Variants in NR2C2 observed in about 807,000 individuals in gnomAD.
NR2C2 encodes the protein Nuclear hormone receptor TR4.
Under a neutral mutation model 62.9 loss-of-function variants are expected in NR2C2, and 6 were observed. The observed-to-expected ratio is 0.10, with a 90% CI of 0.05 to 0.19. The LOEUF is 0.19. NR2C2 is among the 10% of genes least tolerant of loss of function. The pLI is 1.00. For synonymous variants in NR2C2, 272 were observed against 273.8 expected (o/e 0.99, Z 0.07); for missense variants, 479 against 762.7 (o/e 0.63, Z 4.38).
chr3:15,015,049 C>T (rs1263834256), intron 3 of NR2C2, among the ~76,000 whole-genome samples: 2 of 152,210 alleles, frequency 1.3e-5, no homozygotes, highest in South Asian at 2.1e-4. Flanking sequence ...AGACACCTTA[C>T]GCTACACTTA....
chr3:15,036,088 G>T (rs2125077395), intron 11 of NR2C2, among the ~76,000 whole-genome samples: 1 of 152,034 alleles, frequency 6.6e-6, no homozygotes, highest in East Asian at 1.9e-4. Context: ...TACTCGGGAG[G>T]CTGAGGCATG....
chr3:15,030,945 A>G (rs1228682308), intron 9 of NR2C2, among the ~76,000 whole-genome samples: 3 of 152,232 alleles, frequency 2.0e-5, no homozygotes, highest in Non-Finnish European at 4.4e-5. Flanking sequence ...ATTATGAAGC[A>G]TCTTCACTTG....
Position 15,003,922 on chromosome 3 carries a change from G to A in NR2C2, c.8G>A (p.Ser3Asn). The A allele has an allele frequency of 6.2e-7, 1 of 1,613,892 alleles. No individual in the cohort carries two copies. Among genetic ancestry groups the A allele is most frequent in the South Asian group, 1.1e-5 (1 of 91,080 alleles). MT[S>N]PSPRIQIIST... is the part of the protein sequence containing the mutation. ...CGGCCGGAATCTCCAGGGATGACCA[G>A]CCCCTCCCCACGCATCCAGATAATC... The change falls in exon 2 of 14, where the codon AGC (serine) becomes AAC (asparagine). Residue 3 changes from serine (S) to asparagine (N), a missense_variant. Physicochemically the swap from Ser to Asn is conservative, Grantham distance 46. Around this residue, in one of 4 missense-constraint regions of NR2C2, gnomAD observed 115 missense variants for 152.3 expected, o/e 0.76. Transcript: ENST00000425241.
At chr3:14,975,207 AT>A (rs1196984757) in intron 1 of NR2C2, among the ~76,000 whole-genome samples, 2 of 152,050 alleles carry the variant, frequency 1.3e-5, no homozygotes, top group African/African-American at 4.8e-5. Flanking sequence ...TCCTCTATGG[AT>A]GCCTTTTATT....
intron 1 of NR2C2, among the ~76,000 whole-genome samples, chr3:14,990,914 TG>T (rs1211548474): frequency 1.3e-5 from 2 of 152,258 alleles, no homozygotes; most frequent in Non-Finnish European, 2.9e-5. Context: ...AATAGGAACT[TG>T]TATTTGAATA....
chr3:15,000,177 C>G (rs1213502829), intron 1 of NR2C2, among the ~76,000 whole-genome samples: 1 of 152,150 alleles, frequency 6.6e-6, no homozygotes, highest in East Asian at 1.9e-4. Context: ...CCCCATTCCC[C>G]CTGCCCCTCA....
chr3:15,020,645 T>C, intron 4 of NR2C2, 108 bp from the exon 5 acceptor site: 1 of 1,273,216 alleles, frequency 7.9e-7, no homozygotes. Flanking sequence ...TAACAGTGTA[T>C]GGCACCCATC....
At chr3:14,973,212 A>T (rs1559537799) in intron 1 of NR2C2, among the ~76,000 whole-genome samples, 1 of 152,034 alleles carries the variant, frequency 6.6e-6, no homozygotes, top group Admixed American at 6.6e-5. Context: ...GCCAAGTCCA[A>T]TGTCATGAAG....
chr3:15,038,083 G>C lies in NR2C2; in HGVS notation c.1456G>C (p.Asp486His), dbSNP rs1214850103. 2 of 1,614,118 alleles carry C rather than the reference G, an allele frequency of 1.2e-6. No homozygotes were observed. The highest frequency in any genetic ancestry group is 2.7e-5 in the African/African-American group (2 of 75,022). Residue 486 changes from aspartate to histidine, a missense_variant, in exon 12 of 14, where the codon GAT becomes CAT. By Grantham distance (81) the Asp-to-His change is moderately conservative (BLOSUM62 -1). Around this residue, in one of 4 missense-constraint regions of NR2C2, gnomAD observed 162 missense variants for 296.8 expected, o/e 0.55. Transcript: ENST00000425241. The part of the protein sequence containing the change: ...QEFCNSMAKL[D>H]IDGYEYAYLK... Reference sequence around the variant, plus strand: ...GTTCTGTAACAGCATGGCGAAGCTGGATATAGATGGCTATGAGTATGCATA... The same window carrying C: ...GTTCTGTAACAGCATGGCGAAGCTGCATATAGATGGCTATGAGTATGCATA...
chr3:14,963,494 G>A (rs1302510743), intron 1 of NR2C2, among the ~76,000 whole-genome samples: 6 of 151,854 alleles, frequency 4.0e-5, no homozygotes, highest in Admixed American at 1.3e-4. Flanking sequence ...TTTTTGAGAC[G>A]GAGTCTTGCT....
At chr3:14,983,462 T>TACACACAC (rs34788861) in intron 1 of NR2C2, among the ~76,000 whole-genome samples, 3,042 of 146,856 alleles carry the variant, frequency 0.021, 50 homozygotes, top group East Asian at 0.079. Context: ...ATACTCTTTA[T>TACACACAC]ACACACACAC....
At chr3:15,004,263 T>G (rs1162079684) in intron 2 of NR2C2, among the ~76,000 whole-genome samples, 2 of 152,250 alleles carry the variant, frequency 1.3e-5, no homozygotes, top group African/African-American at 4.8e-5. Context: ...GTCTTAGTAC[T>G]GTAATTAAGA....
intron 3 of NR2C2, among the ~76,000 whole-genome samples, chr3:15,014,237 C>G (rs2041437722): frequency 6.6e-6 from 1 of 152,150 alleles, no homozygotes; most frequent in Middle Eastern, 3.2e-3. Context: ...GCCCTGGGCC[C>G]CTCAATTCTT....
At chr3:15,002,786 G>GT (rs1231345445) in intron 1 of NR2C2, among the ~76,000 whole-genome samples, 1 of 148,198 alleles carries the variant, frequency 6.7e-6, no homozygotes, top group Non-Finnish European at 1.5e-5. Context: ...AGCCTCCCTA[G>GT]TAGCTGGGAT....
chr3:14,955,537 C>T (rs1195576279), intron 1 of NR2C2, among the ~76,000 whole-genome samples: 1 of 152,044 alleles, frequency 6.6e-6, no homozygotes, highest in Admixed American at 6.6e-5. Context: ...AAAGAGGCCT[C>T]AGTTGGAATC....
At chr3:14,959,493 CT>C (rs2039629809) in intron 1 of NR2C2, 1 of 152,136 alleles carries the variant, frequency 6.6e-6, no homozygotes, top group Non-Finnish European at 1.5e-5. Context: ...CAATTTCTCT[CT>C]CACTCTTAGT....
chr3:14,995,824 T>G (rs528304469), intron 1 of NR2C2, among the ~76,000 whole-genome samples: 2 of 152,324 alleles, frequency 1.3e-5, no homozygotes, highest in African/African-American at 4.8e-5. Context: ...TGGTTTCTCC[T>G]CAACCTTGCT....
chr3:15,016,000 C>G, intron 3 of NR2C2, 152 bp from the exon 4 acceptor site: 1 of 578,268 alleles, frequency 1.7e-6, no homozygotes, highest in Non-Finnish European at 3.1e-6. Flanking sequence ...CAGGGTTTCA[C>G]CATGTTAGTC....
chr3:14,949,729 G>C (rs2125194304), intron 1 of NR2C2, among the ~76,000 whole-genome samples: 1 of 152,278 alleles, frequency 6.6e-6, no homozygotes, highest in Non-Finnish European at 1.5e-5. Flanking sequence ...AAAAAAGTAA[G>C]ACACTGGTCC....
Sources: allele counts gnomAD v4.1 joint callset (sites outside exome capture counted in the v4.1 genomes callset), GRCh38; gene constraint gnomAD v4.1.1; regional missense constraint gnomAD v4.1.1; transcripts MANE v1.5; gene names NCBI Gene and HGNC (gene_info 2026-07-23, HGNC 2026-07-21).